ZNF638: variants seen among roughly 807,000 people sequenced by gnomAD.
The protein encoded by ZNF638 is CTCL tumor antigen se33-1.
ZNF638 carries 46 observed loss-of-function variants against 195.6 expected under a neutral mutation model. The ratio of observed to expected loss-of-function variants is 0.24; its 90% CI spans 0.19 to 0.30. The LOEUF is 0.30. ZNF638 is among the 10% of genes least tolerant of loss of function. The pLI is 1.00. For missense variants in ZNF638, 2,440 were observed against 2,325.3 expected (o/e 1.05, Z -1.01); for synonymous variants, 845 against 772.0 (o/e 1.09, Z -1.57).
chr2:71,434,967 T>C lies in ZNF638; in HGVS notation c.*160T>C, dbSNP rs561348057. 8.4e-4 allele frequency: 463 copies of C among 554,348 alleles called. 3 individuals are homozygous for C. The highest frequency in any genetic ancestry group is 8.3e-3 in the African/African-American group (424 of 51,146). 34.3% of individuals were successfully genotyped at this position (554,348 alleles called of 1,614,324 possible). Reference sequence around the variant, plus strand: ...TGTAGAGAGACTGATGGGGAAAGTATGATGGGTTTGATTTTTATATCAAAT... The same window carrying C: ...TGTAGAGAGACTGATGGGGAAAGTACGATGGGTTTGATTTTTATATCAAAT... On this transcript the variant is annotated 3_prime_UTR_variant, in exon 28 of 28. Transcript: ENST00000264447.
At chr2:71,374,920 T>C (rs1424716259) in intron 8 of ZNF638, 1 of 152,214 alleles carries the variant, frequency 6.6e-6, no homozygotes, top group Non-Finnish European at 1.5e-5. Context: ...CCAGGCTTTG[T>C]CTTAAACAAA....
At chr2:71,421,378 T>C (rs925007464) in intron 21 of ZNF638, among the ~76,000 whole-genome samples, 2 of 152,032 alleles carry the variant, frequency 1.3e-5, no homozygotes, top group African/African-American at 4.8e-5. Flanking sequence ...AAAAAAAACA[T>C]TTTAGCATGC....
chr2:71,357,639 A>G (rs1463790544), intron 3 of ZNF638, among the ~76,000 whole-genome samples: 1 of 152,214 alleles, frequency 6.6e-6, no homozygotes, highest in Non-Finnish European at 1.5e-5. Flanking sequence ...GCATGTATAT[A>G]TCTATTAAAG....
chr2:71,401,183 G>T (rs2079998476), intron 15 of ZNF638, among the ~76,000 whole-genome samples: 1 of 152,024 alleles, frequency 6.6e-6, no homozygotes, highest in Non-Finnish European at 1.5e-5. Flanking sequence ...TATGAAGATT[G>T]TAACTTCCTG....
chr2:71,365,719 TTAA>T lies in ZNF638; in HGVS notation c.1995+18_1995+20del, dbSNP rs2079184580. On this transcript the variant is annotated intron_variant, in intron 6 of 27. Coordinates refer to ENST00000264447, the MANE Select transcript of ZNF638 (RefSeq NM_014497.5). Reference sequence around the variant, plus strand: ...TCTCCAGCGAAAGGTAATTCTTTAATTAATAATTATTTTTAGAGATAAGGTTTC... The same window carrying T: ...TCTCCAGCGAAAGGTAATTCTTTAATTAATTATTTTTAGAGATAAGGTTTC... The T allele has an allele frequency of 1.3e-6, 2 of 1,580,936 alleles. No homozygotes were observed. The highest frequency in any genetic ancestry group is 1.4e-5 in the African/African-American group (1 of 72,622).
chr2:71,338,643 A>C (rs1162244723), intron 1 of ZNF638, among the ~76,000 whole-genome samples: 1 of 152,160 alleles, frequency 6.6e-6, no homozygotes, highest in African/African-American at 2.4e-5. Context: ...GAGGTACATA[A>C]ATCGTTTTTT....
At chr2:71,424,418 C>G (rs968379313) in intron 22 of ZNF638, among the ~76,000 whole-genome samples, 2 of 152,032 alleles carry the variant, frequency 1.3e-5, no homozygotes, top group African/African-American at 4.8e-5. Context: ...CCTAACTAGA[C>G]ATTGTGGGAC....
chr2:71,409,577 T>A (rs150369261), intron 20 of ZNF638, among the ~76,000 whole-genome samples: 146 of 152,274 alleles, frequency 9.6e-4, no homozygotes, highest in African/African-American at 3.2e-3. Flanking sequence ...TTTCTTATAT[T>A]CCCAGTCATT....
chr2:71,362,988 C>T (rs757690805), intron 3 of ZNF638, among the ~76,000 whole-genome samples, 165 bp from the exon 4 acceptor site: 3 of 152,068 alleles, frequency 2.0e-5, no homozygotes, highest in African/African-American at 4.8e-5. Context: ...TTCCCTGATA[C>T]ACCTATTAGC....
chr2:71,374,128 CT>C, intron 8 of ZNF638: 1 of 152,212 alleles, frequency 6.6e-6, no homozygotes, highest in Non-Finnish European at 1.5e-5. Context: ...TTCTGGCCTG[CT>C]TTTTTTTCTT....
At chr2:71,361,118 C>T (rs1185457382) in intron 3 of ZNF638, among the ~76,000 whole-genome samples, 5 of 152,272 alleles carry the variant, frequency 3.3e-5, no homozygotes, top group South Asian at 2.1e-4. Flanking sequence ...AGTGCCACCA[C>T]GCTCAGCTAA....
intron 2 of ZNF638, among the ~76,000 whole-genome samples, chr2:71,351,426 A>G (rs2104189744): frequency 6.6e-6 from 1 of 152,354 alleles, no homozygotes. Context: ...CAGAAGGGAT[A>G]GCAAAGTCCT....
At chr2:71,430,249 T>C (rs1359535001) in intron 25 of ZNF638, among the ~76,000 whole-genome samples, 3 of 152,018 alleles carry the variant, frequency 2.0e-5, no homozygotes, top group African/African-American at 7.2e-5. Context: ...AAATGTGCCT[T>C]TGGAGTGGCA....
intron 20 of ZNF638, among the ~76,000 whole-genome samples, chr2:71,416,938 G>GTGCCC (rs1443615167): frequency 6.6e-6 from 1 of 151,474 alleles, no homozygotes; most frequent in Non-Finnish European, 1.5e-5. Flanking sequence ...TTGTTTGTCT[G>GTGCCC]TGCCCTGCCC....
At chr2:71,333,269 C>T (rs1558821893) in intron 1 of ZNF638, among the ~76,000 whole-genome samples, 3 of 152,068 alleles carry the variant, frequency 2.0e-5, no homozygotes, top group South Asian at 4.1e-4. Context: ...AATTACAGGG[C>T]GTCCCAGCAT....
intron 19 of ZNF638, among the ~76,000 whole-genome samples, chr2:71,406,733 C>G (rs2080112542): frequency 6.6e-6 from 1 of 152,176 alleles, no homozygotes; most frequent in African/African-American, 2.4e-5. Flanking sequence ...GATGCAGTGG[C>G]TCACCCCTGT....
intron 23 of ZNF638, 50 bp from the exon 24 acceptor site, chr2:71,426,410 C>T (rs1352926568): frequency 1.5e-6 from 2 of 1,322,186 alleles, no homozygotes; most frequent in Non-Finnish European, 1.0e-6. Context: ...TGGAATCTAG[C>T]CAGTGGTCAA....
intron 21 of ZNF638, among the ~76,000 whole-genome samples, chr2:71,420,603 G>A (rs561933866): frequency 8.5e-5 from 13 of 152,238 alleles, no homozygotes; most frequent in African/African-American, 2.6e-4. Context: ...GGTATTACTG[G>A]GATATTGGGG....
In ZNF638 at chr2:71,402,089, T is replaced by TA. The variant is rs773295877; in HGVS notation, c.2829+4dup. On this transcript the variant is annotated splice_region_variant and intron_variant, in intron 16 of 27. Coordinates refer to ENST00000264447, the MANE Select transcript of ZNF638 (RefSeq NM_014497.5). ...TTGATTTTATCATCTCATAAAAAGG[T>TA]AAGAGTTGATTAATAGCTGTTCATA... 6.2e-7 allele frequency: 1 copy of TA among 1,602,994 alleles called. No individual in the cohort carries two copies. The highest frequency in any genetic ancestry group is 2.2e-5 in the East Asian group (1 of 44,612).
Sources: allele counts gnomAD v4.1 joint callset (sites outside exome capture counted in the v4.1 genomes callset), GRCh38; gene constraint gnomAD v4.1.1; transcripts MANE v1.5; gene names NCBI Gene and HGNC (gene_info 2026-07-23, HGNC 2026-07-21).